ATXN1: variants seen among roughly 807,000 people sequenced by gnomAD.
The protein encoded by ATXN1 is ataxin-1.
In ATXN1, 8 loss-of-function variants were observed where a neutral mutation model predicts 56.4. That is an observed-to-expected ratio of 0.14 (90% CI 0.08 to 0.26). The LOEUF (loss-of-function observed/expected upper bound fraction) is 0.26, where lower values mean the gene tolerates loss of function less well. Ranked by LOEUF, ATXN1 falls within the 10% of genes least tolerant of loss-of-function variation. The pLI, the probability that ATXN1 is intolerant of heterozygous loss-of-function variation, is 1.00. For missense variants in ATXN1, 987 were observed against 1,106.5 expected, an observed-to-expected ratio of 0.89 and a Z score of 1.53; for synonymous variants, 514 against 494.6, an observed-to-expected ratio of 1.04 and a Z score of -0.52.
At chr6:16,467,560 C>T (rs1476571293) in intron 6 of ATXN1, among the ~76,000 whole-genome samples, 4 of 152,216 alleles carry the variant, frequency 2.6e-5, no homozygotes, top group African/African-American at 9.6e-5. Flanking sequence ...TTTTTAAAGA[C>T]TCTATCTACC....
intron 4 of ATXN1, among the ~76,000 whole-genome samples, chr6:16,539,782 C>T (rs36093807): frequency 1.3e-5 from 2 of 152,112 alleles, no homozygotes; most frequent in Non-Finnish European, 2.9e-5. Context: ...GTTCTATCAC[C>T]GATCAATACA....
chr6:16,674,621 T>G (rs1451115887), intron 2 of ATXN1, among the ~76,000 whole-genome samples: 1 of 151,458 alleles, frequency 6.6e-6, no homozygotes, highest in East Asian at 1.9e-4. Flanking sequence ...CCTCCGAAAA[T>G]GCTGGGATTA....
At chr6:16,432,159 GA>G (rs1759298089) in intron 6 of ATXN1, among the ~76,000 whole-genome samples, 1 of 152,092 alleles carries the variant, frequency 6.6e-6, no homozygotes, top group African/African-American at 2.4e-5. Flanking sequence ...TTCAAAAATC[GA>G]TTTCCTCTGT....
intron 2 of ATXN1, among the ~76,000 whole-genome samples, chr6:16,735,269 T>C (rs2113493051): frequency 6.6e-6 from 1 of 152,296 alleles, no homozygotes; most frequent in Non-Finnish European, 1.5e-5. Flanking sequence ...GACTGACACA[T>C]CCTAAATCCT....
intron 4 of ATXN1, among the ~76,000 whole-genome samples, chr6:16,572,607 G>C (rs573558299): frequency 2.2e-4 from 34 of 152,212 alleles, no homozygotes; most frequent in African/African-American, 7.9e-4. Context: ...ATGAAAACAA[G>C]GGTATAAAGG....
chr6:16,744,669 C>A (rs1166366390), intron 2 of ATXN1, among the ~76,000 whole-genome samples: 1 of 152,106 alleles, frequency 6.6e-6, no homozygotes, highest in Non-Finnish European at 1.5e-5. Flanking sequence ...AAGACTGGGA[C>A]TTCAACAGGA....
intron 3 of ATXN1, among the ~76,000 whole-genome samples, chr6:16,632,207 C>A (rs1295090674): frequency 1.3e-5 from 2 of 152,142 alleles, no homozygotes; most frequent in African/African-American, 2.4e-5. Context: ...CAGCCACTGG[C>A]ACCATGTTCC....
At chr6:16,478,421 T>G (rs772779773) in intron 6 of ATXN1, among the ~76,000 whole-genome samples, 7 of 152,164 alleles carry the variant, frequency 4.6e-5, no homozygotes, top group Non-Finnish European at 7.3e-5. Context: ...CAGAAACAGG[T>G]AGAGCCATTG....
At chr6:16,309,558 C>A (rs1760340718) in intron 7 of ATXN1, among the ~76,000 whole-genome samples, 1 of 152,042 alleles carries the variant, frequency 6.6e-6, no homozygotes, top group Admixed American at 6.6e-5. Flanking sequence ...GAAGTTAATA[C>A]TTGAGGAGGT....
chr6:16,721,211 T>C (rs1759738673), intron 2 of ATXN1, among the ~76,000 whole-genome samples: 1 of 152,206 alleles, frequency 6.6e-6, no homozygotes, highest in Non-Finnish European at 1.5e-5. Flanking sequence ...CTAATACAGA[T>C]AAAAATCAGG....
intron 6 of ATXN1, among the ~76,000 whole-genome samples, chr6:16,478,537 A>C (rs1309331618): frequency 1.3e-5 from 2 of 152,250 alleles, no homozygotes; most frequent in East Asian, 1.9e-4. Context: ...AGATCAAAGA[A>C]GGAAAAGGCA....
chr6:16,724,911 A>G (rs1759817573), intron 2 of ATXN1, among the ~76,000 whole-genome samples: 3 of 152,170 alleles, frequency 2.0e-5, no homozygotes. Flanking sequence ...GGATCCCGCC[A>G]TGGCCTGAGC....
At chr6:16,503,936 C>A (rs895525064) in intron 5 of ATXN1, among the ~76,000 whole-genome samples, 3 of 152,150 alleles carry the variant, frequency 2.0e-5, no homozygotes, top group Non-Finnish European at 4.4e-5. Flanking sequence ...CATCCACCCC[C>A]CAAACTCTTC....
intron 6 of ATXN1, among the ~76,000 whole-genome samples, chr6:16,450,631 T>C (rs995844111): frequency 1.3e-5 from 2 of 152,246 alleles, no homozygotes; most frequent in South Asian, 2.1e-4. Flanking sequence ...GGAGATGCTA[T>C]GAGTTTCTGA....
chr6:16,584,635 C>T (rs149702319), intron 4 of ATXN1, among the ~76,000 whole-genome samples: 1 of 145,846 alleles, frequency 6.9e-6, no homozygotes, highest in South Asian at 2.1e-4. Flanking sequence ...TACAAATGAC[C>T]CCCCCCACCC....
chr6:16,307,647 G>T (rs1169683939), intron 7 of ATXN1, among the ~76,000 whole-genome samples: 1 of 148,612 alleles, frequency 6.7e-6, no homozygotes, highest in Admixed American at 6.7e-5. Flanking sequence ...GGGCGATCCA[G>T]CCTGGGCCAC....
intron 6 of ATXN1, among the ~76,000 whole-genome samples, chr6:16,417,421 G>C (rs1758933403): frequency 7.0e-6 from 1 of 142,938 alleles, no homozygotes; most frequent in Non-Finnish European, 1.6e-5. Context: ...CAAGTAGAGA[G>C]AGGGAGTTAC....
At chr6:16,731,454 CTTTTTTT>C (rs71559655) in intron 2 of ATXN1, among the ~76,000 whole-genome samples, 20 of 81,796 alleles carry the variant, frequency 2.4e-4, no homozygotes, top group South Asian at 1.1e-3. Flanking sequence ...TTTTTCTTTT[CTTTTTTT>C]TTTTTTTTTT....
chr6:16,708,066 A>G (rs1759444254), intron 2 of ATXN1, among the ~76,000 whole-genome samples: 1 of 152,214 alleles, frequency 6.6e-6, no homozygotes, highest in Non-Finnish European at 1.5e-5. Context: ...GGGAAGAATG[A>G]TGCGTGTAAA....
Sources: gnomAD v4.1 joint callset for allele counts (sites outside exome capture counted in the v4.1 genomes callset) on GRCh38, gnomAD v4.1.1 for gene constraint, MANE v1.5 for transcripts, NCBI Gene and HGNC (gene_info 2026-07-23, HGNC 2026-07-21) for gene names.